The following UBE2N variants were observed in gnomAD, a reference collection of about 807,000 sequenced individuals.
UBE2N encodes the protein ubiquitin conjugating enzyme E2 N, also known as ubiquitin-conjugating enzyme E2 N.
For synonymous variants in UBE2N, 70 were observed against 69.2 expected (o/e 1.01, Z -0.06); for missense variants, 60 against 192.1 (o/e 0.31, Z 4.07).
intron 1 of UBE2N, among the ~76,000 whole-genome samples, chr12:93,436,235 G>T (rs1378232238): frequency 2.0e-5 from 3 of 152,126 alleles, no homozygotes; most frequent in African/African-American, 4.8e-5. Context: ...GAGTAGCTGG[G>T]ACTACAGATG....
chr12:93,416,831 C>T (rs1034887046), intron 1 of UBE2N, among the ~76,000 whole-genome samples: 1 of 113,906 alleles, frequency 8.8e-6, no homozygotes, highest in Non-Finnish European at 1.7e-5. Flanking sequence ...CCAAGCTGGG[C>T]AAGCATAGTG....
At position 93,434,716 on chromosome 12, in the gene UBE2N, G is replaced by A. The variant is rs964638297; in HGVS notation, c.30+7139C>T. Among the ~76,000 whole-genome samples, 3 of 151,970 alleles carry A rather than the reference G, an allele frequency of 2.0e-5. No homozygotes were observed. The East Asian group carries it at 5.8e-4, about 29-fold the overall frequency. ...GAATCTGAATCCCCAGAAGTCATAC[G>A]TTAAAAAAAATAGCTTTTTTTCCTA... is the stretch of plus-strand genomic sequence containing the variant. On this transcript the variant is annotated intron_variant, in intron 1 of 3. Coordinates refer to ENST00000318066, the MANE Select transcript of UBE2N (RefSeq NM_003348.4).
In UBE2N at chr12:93,410,006, G is replaced by A. The variant is rs1228428281; in HGVS notation, c.*33C>T. On this transcript the variant is annotated 3_prime_UTR_variant, in exon 4 of 4. Coordinates refer to ENST00000318066, the MANE Select transcript of UBE2N (RefSeq NM_003348.4). ...AGAGGAGGAAGTCTTGGCAGAACAG[G>A]AGAAGTGATGCACACTTGATGATCG... 3 of 1,607,222 alleles carry A rather than the reference G, an allele frequency of 1.9e-6. No homozygotes were observed. The highest frequency in any genetic ancestry group is 1.7e-6 in the Non-Finnish European group (2 of 1,175,180).
chr12:93,424,715 A>C (rs1029043360), intron 1 of UBE2N, among the ~76,000 whole-genome samples: 3 of 152,238 alleles, frequency 2.0e-5, no homozygotes. Context: ...TGGATTAAAA[A>C]ATAAAACTTC....
intron 1 of UBE2N, among the ~76,000 whole-genome samples, chr12:93,435,264 G>C (rs1878900741): frequency 6.6e-6 from 1 of 152,106 alleles, no homozygotes; most frequent in Non-Finnish European, 1.5e-5. Flanking sequence ...CCAAAGGTCA[G>C]GAGTTCGAGA....
In UBE2N at chr12:93,410,031, G is replaced by GT. The variant is rs745829441; in HGVS notation, c.*7dup. On this transcript the variant is annotated 3_prime_UTR_variant, in exon 4 of 4. Transcript: ENST00000318066. ...GAGAAGTGATGCACACTTGATGATCGTATCAATTTAAATATTATTCATGGC... is the reference window on the plus strand; with the variant it reads ...GAGAAGTGATGCACACTTGATGATCGTTATCAATTTAAATATTATTCATGGC... 1.9e-6 allele frequency: 3 copies of GT among 1,612,114 alleles called. No homozygotes were observed. The highest frequency in any genetic ancestry group is 2.7e-5 in the African/African-American group (2 of 74,934).
At chr12:93,421,733 T>C (rs1293571466) in intron 1 of UBE2N, among the ~76,000 whole-genome samples, 1 of 152,224 alleles carries the variant, frequency 6.6e-6, no homozygotes, top group Non-Finnish European at 1.5e-5. Flanking sequence ...ATATACTATT[T>C]TGACTTGGAA....
chr12:93,413,653 T>C (rs1878103375), intron 1 of UBE2N, among the ~76,000 whole-genome samples: 1 of 152,170 alleles, frequency 6.6e-6, no homozygotes, highest in South Asian at 2.1e-4. Context: ...TTCCTTCATA[T>C]GCCACACACA....
At chr12:93,410,404 G>T in intron 3 of UBE2N, 1 of 500,092 alleles carries the variant, frequency 2.0e-6, no homozygotes, top group Non-Finnish European at 3.5e-6. Flanking sequence ...GCCATAAACA[G>T]CTGAATACTT....
At chr12:93,425,133 G>A (rs1253311079) in intron 1 of UBE2N, among the ~76,000 whole-genome samples, 4 of 152,164 alleles carry the variant, frequency 2.6e-5, no homozygotes, top group African/African-American at 7.2e-5. Context: ...AATTACCATA[G>A]AGCTAGATTA....
At chr12:93,424,220 G>T (rs183573374) in intron 1 of UBE2N, 2 of 152,184 alleles carry the variant, frequency 1.3e-5, no homozygotes, top group East Asian at 3.9e-4. Context: ...TACTTTTCCT[G>T]GCCTACAAGC....
rs752605036 is a variant in UBE2N, at chr12:93,441,846, G to A, written c.30+9C>T. 2 of 1,579,158 alleles carry A rather than the reference G, an allele frequency of 1.3e-6. No homozygotes were observed. Among genetic ancestry groups the A allele is most frequent in the South Asian group, 2.3e-5 (2 of 87,602 alleles). ...GAGCGAAGAGCTGGAGGCCGGCCTGGGCGGTTACCTTGATGATCCTGCGGG... is the reference window on the plus strand; with the variant it reads ...GAGCGAAGAGCTGGAGGCCGGCCTGAGCGGTTACCTTGATGATCCTGCGGG... On this transcript the variant is annotated intron_variant, in intron 1 of 3. Transcript: ENST00000318066.
chr12:93,431,831 T>C (rs1878781311), intron 1 of UBE2N, among the ~76,000 whole-genome samples: 1 of 152,234 alleles, frequency 6.6e-6, no homozygotes, highest in South Asian at 2.1e-4. Context: ...GATGATGCCA[T>C]GCTTTCTGTC....
rs763050357 is a variant in UBE2N, at chr12:93,406,737, G to A, written c.*3302C>T. The stretch of plus-strand genomic sequence containing the variant: ...GTAATCTAAATATTAACATAAGCGG[G>A]AGGATTTGTGTAGATTGTATGCATA... On this transcript the variant is annotated 3_prime_UTR_variant, in exon 4 of 4. Coordinates refer to ENST00000318066, the MANE Select transcript of UBE2N (RefSeq NM_003348.4). 3 of 152,132 alleles carry A rather than the reference G, an allele frequency of 2.0e-5. No individual in the cohort carries two copies. The allele number at this position is 152,132 out of a possible 1,614,324, so 9.4% of individuals were successfully genotyped here. A position where few individuals can be genotyped will look rare whatever the true frequency, so the allele number is the denominator to read the frequency against.
In UBE2N at chr12:93,408,514, T is replaced by G. The variant is rs1357361730; in HGVS notation, c.*1525A>C. The G allele has an allele frequency of 2.6e-5, 4 of 152,204 alleles. No homozygotes were observed. Among genetic ancestry groups the G allele is most frequent in the Non-Finnish European group, 4.4e-5 (3 of 68,030 alleles). 9.4% of individuals were successfully genotyped at this position (152,204 alleles called of 1,614,324 possible). A position where few individuals can be genotyped will look rare whatever the true frequency, so the allele number is the denominator to read the frequency against. On this transcript the variant is annotated 3_prime_UTR_variant, in exon 4 of 4. Transcript: ENST00000318066. ...GGCTACAATATCCATTACCTTAAAC[T>G]GCAAGAGACAAGGTTGCAACCCGAA...
intron 1 of UBE2N, among the ~76,000 whole-genome samples, chr12:93,432,224 T>C (rs1048799592): frequency 6.6e-6 from 1 of 152,166 alleles, no homozygotes; most frequent in Non-Finnish European, 1.5e-5. Flanking sequence ...GAAATTTGTT[T>C]CATGACTGTG....
chr12:93,416,315 C>T (rs1475741018), intron 1 of UBE2N, among the ~76,000 whole-genome samples: 3 of 152,138 alleles, frequency 2.0e-5, no homozygotes, highest in Admixed American at 6.5e-5. Flanking sequence ...AAAATCTTTC[C>T]GGCCACTATT....
chr12:93,425,079 C>A (rs1276631760), intron 1 of UBE2N, among the ~76,000 whole-genome samples: 1 of 152,170 alleles, frequency 6.6e-6, no homozygotes, highest in Non-Finnish European at 1.5e-5. Context: ...CTACATAAGG[C>A]TCAGTATTAC....
At chr12:93,440,488 T>C (rs928634260) in intron 1 of UBE2N, among the ~76,000 whole-genome samples, 9 of 152,326 alleles carry the variant, frequency 5.9e-5, no homozygotes, top group African/African-American at 1.9e-4. Flanking sequence ...TCAGCACCCT[T>C]AGGTCAGTGA....
Sources: allele counts gnomAD v4.1 joint callset (sites outside exome capture counted in the v4.1 genomes callset), GRCh38; gene constraint gnomAD v4.1.1; transcripts MANE v1.5; gene names NCBI Gene and HGNC (gene_info 2026-07-23, HGNC 2026-07-21).